VPS45: variants seen among roughly 807,000 people sequenced by gnomAD.
VPS45 encodes the protein vacuolar protein sorting 45 homolog.
VPS45 carries 35 observed loss-of-function variants against 75.9 expected under a neutral mutation model. The observed-to-expected ratio is 0.46, with a 90% CI of 0.35 to 0.61. VPS45 has a LOEUF of 0.61. Among genes scored for constraint, VPS45 ranks in the 20% least tolerant of loss-of-function variants. The pLI is 0.00. For missense variants in VPS45, 559 were observed against 685.9 expected (o/e 0.81, Z 2.07); for synonymous variants, 220 against 238.2 (o/e 0.92, Z 0.70).
chr1:150,144,328 C>A (rs782782587), intron 14 of VPS45, among the ~76,000 whole-genome samples: 1 of 152,176 alleles, frequency 6.6e-6, no homozygotes, highest in Non-Finnish European at 1.5e-5. Context: ...AGACAACATA[C>A]AAGCTCTGAG....
chr1:150,068,334 A>C (rs1654841766), intron 1 of VPS45: 1 of 365,906 alleles, frequency 2.7e-6, no homozygotes, highest in Non-Finnish European at 4.9e-6. Context: ...TTGGCCACAG[A>C]CCAGAAAACA....
At chr1:150,135,058 G>C (rs1659005693) in intron 14 of VPS45, among the ~76,000 whole-genome samples, 1 of 152,014 alleles carries the variant, frequency 6.6e-6, no homozygotes, top group African/African-American at 2.4e-5. Flanking sequence ...TTTCATATTA[G>C]GATATGATTA....
At chr1:150,134,986 T>C (rs1659002311) in intron 14 of VPS45, among the ~76,000 whole-genome samples, 1 of 152,134 alleles carries the variant, frequency 6.6e-6, no homozygotes, top group African/African-American at 2.4e-5. Flanking sequence ...CAAACATAAA[T>C]AAAACATCCC....
Position 150,113,941 on chromosome 1 carries a change from TCTATTTCTGCCTTTCTCACAAATAATA to T in VPS45, c.1625+3315_1625+3341del, listed in dbSNP as rs1571884529. On this transcript the variant is annotated intron_variant, in intron 14 of 14. Coordinates refer to ENST00000644510, the MANE Select transcript of VPS45 (RefSeq NM_007259.5). ...AAGAAGAAATAAAGGCTACACTTAA[TCTATTTCTGCCTTTCTCACAAATAATA>T]TAAGAATATTAAAATGTTTTAACTG... Among the ~76,000 whole-genome samples the T allele has an allele frequency of 9.2e-5, 14 of 152,232 alleles. 1 individual carries two copies. The East Asian group carries it at 2.7e-3, about 29-fold the overall frequency.
intron 14 of VPS45, among the ~76,000 whole-genome samples, chr1:150,143,943 T>C (rs2101670688): frequency 6.6e-6 from 1 of 152,280 alleles, no homozygotes; most frequent in South Asian, 2.1e-4. Flanking sequence ...TATGCATATA[T>C]ACACACACAT....
At chr1:150,072,785 A>G (rs1162749522) in intron 3 of VPS45, among the ~76,000 whole-genome samples, 1 of 152,184 alleles carries the variant, frequency 6.6e-6, no homozygotes, top group Non-Finnish European at 1.5e-5. Context: ...TTGTAAGTCA[A>G]AAGTTTTAAG....
At chr1:150,110,974 A>G (rs1010512091) in intron 14 of VPS45, among the ~76,000 whole-genome samples, 12 of 152,200 alleles carry the variant, frequency 7.9e-5, no homozygotes, top group African/African-American at 2.9e-4. Context: ...TTAAAGAGGG[A>G]GAAACCTAAT....
intron 13 of VPS45, among the ~76,000 whole-genome samples, chr1:150,099,881 A>G (rs1188376145): frequency 6.6e-6 from 1 of 151,492 alleles, no homozygotes; most frequent in Admixed American, 6.6e-5. Context: ...CACAGCCAAC[A>G]TCATACTGAA....
At chr1:150,076,085 A>ATATATATAT (rs1655364353) in intron 3 of VPS45, 148 bp from the exon 4 acceptor site, 2 of 198,134 alleles carry the variant, frequency 1.0e-5, no homozygotes, top group African/African-American at 5.8e-5. Flanking sequence ...TATATATATA[A>ATATATATAT]AATTATGAAT....
intron 14 of VPS45, among the ~76,000 whole-genome samples, chr1:150,134,245 A>G (rs587630485): frequency 1.3e-5 from 2 of 152,342 alleles, no homozygotes; most frequent in African/African-American, 4.8e-5. Context: ...TCTATAGCCA[A>G]CTAAGTTTGG....
intron 4 of VPS45, 86 bp from the exon 5 acceptor site, chr1:150,076,830 A>AT (rs1655412164): frequency 6.7e-7 from 1 of 1,481,558 alleles, no homozygotes; most frequent in Non-Finnish European, 9.4e-7. Context: ...AAGTTTGGCT[A>AT]TATCATATTA....
At chr1:150,119,696 G>A (rs1289651483) in intron 14 of VPS45, among the ~76,000 whole-genome samples, 1 of 152,166 alleles carries the variant, frequency 6.6e-6, no homozygotes, top group African/African-American at 2.4e-5. Context: ...GGAAAGAAAT[G>A]ATATCTTGTC....
chr1:150,136,771 T>A (rs1169129644), intron 14 of VPS45, among the ~76,000 whole-genome samples: 12 of 121,764 alleles, frequency 9.9e-5, no homozygotes, highest in South Asian at 5.5e-4. Context: ...GAGCAAGATT[T>A]AAAAAAAAAA....
chr1:150,071,584 C>T (rs1470748415), intron 2 of VPS45, among the ~76,000 whole-genome samples: 5 of 152,000 alleles, frequency 3.3e-5, no homozygotes, highest in South Asian at 2.1e-4. Flanking sequence ...GTCAGGAGTT[C>T]GAGACCAGCC....
At position 150,081,829 on chromosome 1, in the gene VPS45, T is replaced by G. The variant is rs1477562831; in HGVS notation, c.823-55T>G. The stretch of plus-strand genomic sequence containing the variant: ...CAAATTCTTTTTCACTTCTTTCAAG[T>G]TGTCTGAAAGTCAGACTAGTTGATG... On this transcript the variant is annotated intron_variant, in intron 8 of 14. Transcript: ENST00000644510. 5.5e-6 allele frequency: 6 copies of G among 1,100,384 alleles called. No individual in the cohort carries two copies. The Admixed American group carries it at 1.4e-4, about 26-fold the overall frequency. The allele number at this position is 1,100,384 out of a possible 1,614,324, so 68.2% of individuals were successfully genotyped here. A position where few individuals can be genotyped will look rare whatever the true frequency, so the allele number is the denominator to read the frequency against.
At chr1:150,095,584 G>A (rs1198427683) in intron 13 of VPS45, among the ~76,000 whole-genome samples, 9 of 147,022 alleles carry the variant, frequency 6.1e-5, no homozygotes, top group Admixed American at 4.1e-4. Flanking sequence ...CGTTGCACTC[G>A]AGCCTGGGCA....
intron 14 of VPS45, among the ~76,000 whole-genome samples, chr1:150,129,097 G>A (rs1022392854): frequency 1.6e-4 from 25 of 152,208 alleles, no homozygotes; most frequent in African/African-American, 6.0e-4. Context: ...TTGTGATGGA[G>A]TGTGTCGCCT....
chr1:150,095,060 A>G (rs1212014891), intron 13 of VPS45, among the ~76,000 whole-genome samples: 1 of 152,252 alleles, frequency 6.6e-6, no homozygotes, highest in East Asian at 1.9e-4. Context: ...ATGTTGATTG[A>G]ATGCTTTCAG....
chr1:150,129,197 G>T (rs1658682064), intron 14 of VPS45, among the ~76,000 whole-genome samples: 2 of 152,114 alleles, frequency 1.3e-5, no homozygotes, highest in African/African-American at 4.8e-5. Context: ...TATCTTTAAG[G>T]ATCTCAATGT....
Sources: gnomAD v4.1 joint callset for allele counts (sites outside exome capture counted in the v4.1 genomes callset) on GRCh38, gnomAD v4.1.1 for gene constraint, MANE v1.5 for transcripts, NCBI Gene and HGNC (gene_info 2026-07-23, HGNC 2026-07-21) for gene names.